Variants in LINC00632 observed in about 807,000 individuals in gnomAD.
LINC00632 encodes ALDOA related specific transcript.
exon 5 of LINC00632, among the ~76,000 whole-genome samples, chrX:140,781,034 T>C (rs1284568828): frequency 1.8e-5 from 2 of 111,059 alleles, no homozygotes; most frequent in African/African-American, 3.3e-5. Flanking sequence ...TCCTGGTTCA[T>C]AGACGTTTAA....
intron 3 of LINC00632, among the ~76,000 whole-genome samples, chrX:140,763,277 C>T (rs1569354839): frequency 9.3e-6 from 1 of 107,568 alleles, no homozygotes; most frequent in Non-Finnish European, 1.9e-5. Context: ...GTGGCGGGTG[C>T]CTGTAATCTC....
chrX:140,762,306 G>A (rs1349514834), intron 3 of LINC00632, among the ~76,000 whole-genome samples: 1 of 109,136 alleles, frequency 9.2e-6, no homozygotes, highest in African/African-American at 3.3e-5. Context: ...ATTGGCTTAG[G>A]ACTCTAGAAA....
intron 3 of LINC00632, among the ~76,000 whole-genome samples, chrX:140,747,177 G>A (rs1160698252): frequency 1.8e-5 from 2 of 112,019 alleles, no homozygotes; most frequent in Non-Finnish European, 3.8e-5. Context: ...TATGGGGTAA[G>A]ATGGGCTGGA....
rs146312064 is a variant in LINC00632, at chrX:140,758,964, C to CTTT, written n.192-13099_192-13097dup. ...TTTTATTTTATTTTTCTTTTCTTTT[C>CTTT]TTTTTTTTTTTTTTTTTGAGATAGA... On this transcript the variant is annotated intron_variant and non_coding_transcript_variant, in intron 3 of 4. Coordinates refer to ENST00000648200, the Ensembl canonical transcript of LINC00632. Among the ~76,000 whole-genome samples, 631 of 78,902 alleles carry CTTT rather than the reference C, an allele frequency of 8.0e-3. 13 individuals are homozygous for CTTT. Among genetic ancestry groups the CTTT allele is most frequent in the African/African-American group, 0.028 (590 of 21,027 alleles). 68.5% of individuals were successfully genotyped at this position (78,902 alleles called of 115,157 possible). A position where few individuals can be genotyped will look rare whatever the true frequency, so the allele number is the denominator to read the frequency against.
intron 2 of LINC00632, chrX:140,716,422 T>C (rs1930629524): frequency 9.0e-6 from 1 of 111,232 alleles, no homozygotes; most frequent in East Asian, 2.8e-4. Context: ...GCCTGGTACA[T>C]AGTGACTATT....
chrX:140,766,395 TAGAA>T lies in LINC00632; in HGVS notation n.192-5679_192-5676del, dbSNP rs781504544. Among the ~76,000 whole-genome samples, 5 of 112,009 alleles carry T rather than the reference TAGAA, an allele frequency of 4.5e-5. No homozygotes were observed. The Admixed American group carries it at 4.8e-4, about 11-fold the overall frequency. On this transcript the variant is annotated intron_variant and non_coding_transcript_variant, in intron 3 of 4. Coordinates refer to ENST00000648200, the Ensembl canonical transcript of LINC00632. ...ATTTGGTTGTTAACCCATTGAACCA[TAGAA>T]AGAGAGTGAAGATGTTCCATAACAA...
chrX:140,743,001 G>T (rs1931261772), intron 3 of LINC00632, among the ~76,000 whole-genome samples: 1 of 108,818 alleles, frequency 9.2e-6, no homozygotes, highest in African/African-American at 3.4e-5. Flanking sequence ...AAGGAGAGCG[G>T]ATCATCAGAG....
At chrX:140,727,507 G>T (rs1220064315) in intron 2 of LINC00632, among the ~76,000 whole-genome samples, 1 of 111,148 alleles carries the variant, frequency 9.0e-6, no homozygotes, top group Non-Finnish European at 1.9e-5. Flanking sequence ...TGGCCAGGCT[G>T]GTCTGGAACT....
chrX:140,785,091 T>G (rs1931997176), exon 5 of LINC00632, among the ~76,000 whole-genome samples: 2 of 110,373 alleles, frequency 1.8e-5, no homozygotes, highest in Admixed American at 1.9e-4. Context: ...AGACTGGTAT[T>G]TTAGGTAAAG....
chrX:140,722,205 C>T (rs781285454), intron 2 of LINC00632, among the ~76,000 whole-genome samples: 2 of 110,505 alleles, frequency 1.8e-5, no homozygotes, highest in South Asian at 3.9e-4. Flanking sequence ...TAGACTGGCC[C>T]GATAAGATAG....
intron 2 of LINC00632, among the ~76,000 whole-genome samples, chrX:140,723,613 A>AACACACACACATTTCAT (rs1930797993): frequency 4.0e-5 from 1 of 24,950 alleles, no homozygotes. Context: ...ACATTCCATA[A>AACACACACACATTTCAT]ACACACACAC....
chrX:140,775,401 C>T (rs774017435), exon 5 of LINC00632, among the ~76,000 whole-genome samples: 3 of 112,296 alleles, frequency 2.7e-5, no homozygotes, highest in Non-Finnish European at 5.6e-5. Context: ...AGAGATACGA[C>T]GCTGTTATCT....
intron 3 of LINC00632, among the ~76,000 whole-genome samples, chrX:140,770,554 A>G (rs1357077489): frequency 8.9e-6 from 1 of 111,979 alleles, no homozygotes; most frequent in Non-Finnish European, 1.9e-5. Flanking sequence ...CAACATAAAA[A>G]TTGTTAACAT....
In LINC00632 at chrX:140,717,907, C is replaced by T. The variant is rs371220735; in HGVS notation, n.104+6251C>T. On this transcript the variant is annotated intron_variant and non_coding_transcript_variant, in intron 2 of 4. Transcript: ENST00000648200. ...ATTCCAGCACTTTGGGAGGCCGAGACGGGTGGATTAGCTGAGGTCGGGAGT... is the reference window on the plus strand; with the variant it reads ...ATTCCAGCACTTTGGGAGGCCGAGATGGGTGGATTAGCTGAGGTCGGGAGT... 3.1e-4 allele frequency among the ~76,000 whole-genome samples: 34 copies of T among 111,016 alleles called. No individual in the cohort carries two copies. In the South Asian group the frequency reaches 0.012, roughly 39 times the overall value.
At chrX:140,788,042 T>G (rs1036170696) in exon 5 of LINC00632, among the ~76,000 whole-genome samples, 2 of 110,124 alleles carry the variant, frequency 1.8e-5, no homozygotes, top group Non-Finnish European at 3.8e-5. Flanking sequence ...AGACTACATA[T>G]AGTAGGATAT....
chrX:140,790,205 T>C (rs1932086463), exon 5 of LINC00632, among the ~76,000 whole-genome samples: 1 of 111,210 alleles, frequency 9.0e-6, no homozygotes, highest in African/African-American at 3.3e-5. Context: ...TACGTTCTTA[T>C]TGCTTAGTAC....
chrX:140,744,478 T>A (rs1455086651), intron 3 of LINC00632, among the ~76,000 whole-genome samples: 1 of 105,290 alleles, frequency 9.5e-6, no homozygotes, highest in Non-Finnish European at 1.9e-5. Flanking sequence ...TGGAGGGCTT[T>A]GTGAGCTAGA....
rs58322122 is a variant in LINC00632 at position 140,743,224 on chromosome X, C to CAAAAA, written n.191+9292_191+9296dup. ...TGGGCGACAGAGCAAAACGCTGTCTCAAAAAAAAAAAAAAAAAAAAAAAAA... is the reference window on the plus strand; with the variant it reads ...TGGGCGACAGAGCAAAACGCTGTCTCAAAAAAAAAAAAAAAAAAAAAAAAAAAAAA... On this transcript the variant is annotated intron_variant and non_coding_transcript_variant, in intron 3 of 4. Coordinates refer to ENST00000648200, the Ensembl canonical transcript of LINC00632. Among the ~76,000 whole-genome samples the CAAAAA allele has an allele frequency of 5.6e-4, 25 of 44,329 alleles. 5 individuals are homozygous for CAAAAA. The highest frequency in any genetic ancestry group is 3.1e-3 in the African/African-American group (20 of 6,431). 38.5% of individuals were successfully genotyped at this position (44,329 alleles called of 115,157 possible).
intron 3 of LINC00632, among the ~76,000 whole-genome samples, chrX:140,744,101 A>T (rs893173071): frequency 1.8e-5 from 2 of 110,519 alleles, no homozygotes; most frequent in Admixed American, 1.9e-4. Flanking sequence ...CATCATTTTG[A>T]TTTTTTTGCA....
Sources: allele counts gnomAD v4.1 joint callset (sites outside exome capture counted in the v4.1 genomes callset), GRCh38; gene constraint gnomAD v4.1.1; transcripts MANE v1.5; gene names NCBI Gene and HGNC (gene_info 2026-07-23, HGNC 2026-07-21).